The following TEX15 variants were observed in gnomAD, a reference collection of about 807,000 sequenced individuals.
The protein encoded by TEX15 is testis expressed 15, meiosis and synapsis associated.
TEX15 carries 171 observed loss-of-function variants against 237.3 expected under a neutral mutation model. The observed-to-expected ratio is 0.72, with a 90% CI of 0.64 to 0.82. The LOEUF (loss-of-function observed/expected upper bound fraction) is 0.82. Among genes scored for constraint, TEX15 ranks in the 40% least tolerant of loss-of-function variants. The pLI is 0.00. For missense variants in TEX15, 3,750 were observed against 3,646.5 expected, an observed-to-expected ratio of 1.03 and a Z score of -0.73; for synonymous variants, 1,338 against 1,269.8, an observed-to-expected ratio of 1.05 and a Z score of -1.14.
chr8:30,848,756 A>G lies in TEX15; in HGVS notation c.1411T>C (p.Ser471Pro). 6.2e-7 allele frequency: 1 copy of G among 1,614,162 alleles called. No homozygotes were observed. The highest frequency in any genetic ancestry group is 8.5e-7 in the Non-Finnish European group (1 of 1,180,024). Residue 471 changes from serine to proline, a missense_variant, in exon 8 of 11, where the codon TCG (serine) becomes CCG (proline). Physicochemically the swap from Ser to Pro is moderately conservative, Grantham distance 74. Coordinates refer to ENST00000643185, the MANE Select transcript of TEX15 (RefSeq NM_001350162.2). ...SSDNVNSEIK[S>P]TPSNSASSSE... ...GAGGAGGCAGAATTAGATGGTGTCG[A>G]TTTTATTTCTGAATTAACATTATCT...
At position 30,848,370 on chromosome 8, in the gene TEX15, C is replaced by T. The variant is rs767912339; in HGVS notation, c.1797G>A (p.Thr599=). The T allele has an allele frequency of 6.8e-6, 11 of 1,614,006 alleles. No homozygotes were observed. Among genetic ancestry groups the T allele is most frequent in the African/African-American group, 4.0e-5 (3 of 74,916 alleles). ...LKTIYQTGCQ[T]STVFPLKKKV... ...TCTTTTTGAGTGGAAAAACTGTAGA[C>T]GTTTGGCAACCAGTCTGATAAATTG... is the stretch of plus-strand genomic sequence containing the variant. The change falls in exon 8 of 11, where the codon ACG becomes ACA. Residue 599 remains threonine (T), a synonymous_variant. Transcript: ENST00000643185.
chr8:30,860,847 A>C (rs1440378341), intron 5 of TEX15, among the ~76,000 whole-genome samples: 2 of 152,020 alleles, frequency 1.3e-5, no homozygotes, highest in Admixed American at 6.5e-5. Context: ...CACCGCGCCC[A>C]GCCGAGAATC....
Position 30,849,254 on chromosome 8 carries a change from T to C in TEX15, c.913A>G (p.Thr305Ala), listed in dbSNP as rs1360048614. Residue 305 changes from threonine (T) to alanine (A), a missense_variant, in exon 8 of 11, where the codon ACT becomes GCT. Coordinates refer to ENST00000643185, the MANE Select transcript of TEX15 (RefSeq NM_001350162.2). ...AKRFGKGKDA[T>A]VTFVHFKKPV... ...TTCTTGAAATGCACAAAGGTGACAGTAGCATCTTTTCCTTTTCCAAATCTT... is the reference window on the plus strand; with the variant it reads ...TTCTTGAAATGCACAAAGGTGACAGCAGCATCTTTTCCTTTTCCAAATCTT... The C allele has an allele frequency of 8.5e-6, 13 of 1,535,598 alleles. No homozygotes were observed. The highest frequency in any genetic ancestry group is 1.1e-5 in the Non-Finnish European group (13 of 1,146,812).
intron 1 of TEX15, among the ~76,000 whole-genome samples, chr8:30,907,864 G>C (rs531214148): frequency 1.3e-5 from 2 of 150,246 alleles, no homozygotes; most frequent in South Asian, 4.2e-4. Flanking sequence ...CTTGAGCCCA[G>C]GTGATCAAGG....
chr8:30,876,368 G>C (rs1216665383), intron 3 of TEX15, among the ~76,000 whole-genome samples: 1 of 152,170 alleles, frequency 6.6e-6, no homozygotes, highest in Non-Finnish European at 1.5e-5. Flanking sequence ...CACTAGCCAA[G>C]AAGGGTTTAA....
At chr8:30,857,366 T>C (rs1807934030) in intron 7 of TEX15, among the ~76,000 whole-genome samples, 3 of 151,794 alleles carry the variant, frequency 2.0e-5, no homozygotes. Flanking sequence ...TATCTTCAAG[T>C]CCTAGGAAAA....
chr8:30,863,354 A>G (rs890259929), intron 5 of TEX15, among the ~76,000 whole-genome samples: 2 of 152,162 alleles, frequency 1.3e-5, no homozygotes, highest in Non-Finnish European at 2.9e-5. Flanking sequence ...TTCAGTTCTT[A>G]GCACAGTGGC....
At chr8:30,894,221 T>C (rs2128777643) in intron 2 of TEX15, among the ~76,000 whole-genome samples, 1 of 152,296 alleles carries the variant, frequency 6.6e-6, no homozygotes, top group South Asian at 2.1e-4. Context: ...CGTGGCAGGC[T>C]GTGGTGGGAG....
Position 30,843,340 on chromosome 8 carries a change from T to C in TEX15, c.6827A>G (p.Lys2276Arg). The change falls in exon 8 of 11, where the codon AAA (lysine) becomes AGA (arginine). Residue 2276 changes from lysine to arginine, a missense_variant. By Grantham distance (26) the Lys-to-Arg change is conservative. Transcript: ENST00000643185. ...GLEHIFFDAA[K>R]NLVWKERTQS... ...TGTTCTCTCTTTCCAAACAAGATTT[T>C]TTGCAGCATCAAAAAAGATATGTTC... 3 of 1,611,666 alleles carry C rather than the reference T, an allele frequency of 1.9e-6. No individual in the cohort carries two copies. Among genetic ancestry groups the C allele is most frequent in the Non-Finnish European group, 2.5e-6 (3 of 1,179,376 alleles).
At chr8:30,888,365 C>G (rs1280409923) in intron 2 of TEX15, among the ~76,000 whole-genome samples, 1 of 152,170 alleles carries the variant, frequency 6.6e-6, no homozygotes, top group Middle Eastern at 3.2e-3. Context: ...TGATGGCCAA[C>G]AACAGCCAAT....
chr8:30,876,786 C>G (rs1808407177), intron 3 of TEX15, among the ~76,000 whole-genome samples: 1 of 152,144 alleles, frequency 6.6e-6, no homozygotes, highest in East Asian at 1.9e-4. Flanking sequence ...TATGGTTTGG[C>G]TGTGTCCCTA....
Position 30,867,358 on chromosome 8 carries a change from AG to A in TEX15, c.446del (p.Pro149LeufsTer15), listed in dbSNP as rs763606009. On this transcript the variant is annotated frameshift_variant, in exon 5 of 11. Coordinates refer to ENST00000643185, the MANE Select transcript of TEX15 (RefSeq NM_001350162.2). LOFTEE classifies it high-confidence loss of function. ...RASTLKILGN[P>X]LLGIYMFRHV... ...GTCTAAACATATAAATTCCAAGAAGAGGATTTCCTAGTATCTTCAATGTAGA... is the reference window on the plus strand; with the variant it reads ...GTCTAAACATATAAATTCCAAGAAGAGATTTCCTAGTATCTTCAATGTAGA... 8 of 1,529,482 alleles carry A rather than the reference AG, an allele frequency of 5.2e-6. No homozygotes were observed. Among genetic ancestry groups the A allele is most frequent in the Non-Finnish European group, 7.0e-6 (8 of 1,141,190 alleles). The allele number at this position is 1,529,482 out of a possible 1,614,324, so 94.7% of individuals were successfully genotyped here. A position where few individuals can be genotyped will look rare whatever the true frequency, so the allele number is the denominator to read the frequency against.
Position 30,842,105 on chromosome 8 carries a change from T to C in TEX15, c.8062A>G (p.Ile2688Val), listed in dbSNP as rs1026060311. 4 of 1,613,608 alleles carry C rather than the reference T, an allele frequency of 2.5e-6. No individual in the cohort carries two copies. The highest frequency in any genetic ancestry group is 1.3e-5 in the African/African-American group (1 of 74,924). ...GGTCGTTTTTTAGAGGAATTTGAGA[T>C]GTTTTTGTTTATGCACTCTGATACT... Reference protein sequence around the residue: ...PPVSECINKNISNSSKKRPST... With the variant: ...PPVSECINKNVSNSSKKRPST... The change falls in exon 8 of 11, where the codon ATC (isoleucine) becomes GTC (valine). Residue 2688 changes from isoleucine (I) to valine (V), a missense_variant. Coordinates refer to ENST00000643185, the MANE Select transcript of TEX15 (RefSeq NM_001350162.2).
In TEX15 at chr8:30,867,757, T is replaced by C. The variant is rs542955968; in HGVS notation, c.303-255A>G. The stretch of plus-strand genomic sequence containing the variant: ...GCTAACATTTCTTAAATGCTGCTAA[T>C]GTAACCAGTACAAGTCTTAAGCATT... On this transcript the variant is annotated intron_variant, in intron 4 of 10. Transcript: ENST00000643185. Among the ~76,000 whole-genome samples the C allele has an allele frequency of 2.6e-5, 4 of 152,256 alleles. No homozygotes were observed. In the South Asian group the frequency reaches 8.3e-4, roughly 31 times the overall value.
chr8:30,860,199 C>A, intron 5 of TEX15, 142 bp from the exon 6 acceptor site: 1 of 643,850 alleles, frequency 1.6e-6, no homozygotes, highest in South Asian at 3.6e-5. Flanking sequence ...GCTGGAGTTG[C>A]AGGCTCGACC....
rs565312689 is a variant in TEX15, at chr8:30,900,226, A to C, written c.-85-1409T>G. Among the ~76,000 whole-genome samples the C allele has an allele frequency of 1.4e-4, 21 of 152,352 alleles. No individual in the cohort carries two copies. The South Asian group carries it at 4.4e-3, about 32-fold the overall frequency. On this transcript the variant is annotated intron_variant, in intron 1 of 10. Coordinates refer to ENST00000643185, the MANE Select transcript of TEX15 (RefSeq NM_001350162.2). ...CAAGTGCTTTAATTGTCATTGTCTAAGAGACCCAAAGAAGTAAACGTAGAG... is the reference window on the plus strand; with the variant it reads ...CAAGTGCTTTAATTGTCATTGTCTACGAGACCCAAAGAAGTAAACGTAGAG...
intron 5 of TEX15, 98 bp downstream of exon 5, chr8:30,867,167 G>A (rs1194210346): frequency 2.0e-6 from 1 of 495,708 alleles, no homozygotes; most frequent in African/African-American, 1.9e-5. Flanking sequence ...ATAGACTGCA[G>A]TTTAAAAACA....
chr8:30,886,386 T>C (rs1453843734), intron 3 of TEX15, among the ~76,000 whole-genome samples: 1 of 152,166 alleles, frequency 6.6e-6, no homozygotes, highest in Non-Finnish European at 1.5e-5. Flanking sequence ...CCACCAACAC[T>C]GTAGGAGGCC....
chr8:30,844,420 G>C lies in TEX15; in HGVS notation c.5747C>G (p.Ser1916Cys). ...TESVPLKNTV[S>C]NPLNKREKKG... Reference sequence around the variant, plus strand: ...CTTCTCTCTTTTGTTAAGCGGATTAGAAACTGTGTTCTTCAAAGGGACTGA... The same window carrying C: ...CTTCTCTCTTTTGTTAAGCGGATTACAAACTGTGTTCTTCAAAGGGACTGA... Residue 1916 changes from serine to cysteine, a missense_variant, in exon 8 of 11, where the codon TCT (serine) becomes TGT (cysteine). Coordinates refer to ENST00000643185, the MANE Select transcript of TEX15 (RefSeq NM_001350162.2). 6.2e-7 allele frequency: 1 copy of C among 1,612,042 alleles called. No individual in the cohort carries two copies. The highest frequency in any genetic ancestry group is 8.5e-7 in the Non-Finnish European group (1 of 1,179,226).
Sources: gnomAD v4.1 joint callset for allele counts (sites outside exome capture counted in the v4.1 genomes callset) on GRCh38, gnomAD v4.1.1 for gene constraint, MANE v1.5 for transcripts, NCBI Gene and HGNC (gene_info 2026-07-23, HGNC 2026-07-21) for gene names.